PRKAR1B: variants seen among roughly 807,000 people sequenced by gnomAD.
PRKAR1B encodes the protein protein kinase cAMP-dependent type I regulatory subunit beta.
A neutral mutation model predicts 46.5 loss-of-function variants in PRKAR1B; 22 were observed. The observed-to-expected ratio is 0.47, with a 90% CI of 0.34 to 0.68. The LOEUF (loss-of-function observed/expected upper bound fraction) is 0.68, where lower values mean the gene tolerates loss of function less well. Among genes scored for constraint, PRKAR1B ranks in the 30% least tolerant of loss-of-function variants. PRKAR1B has a pLI of 0.01. For synonymous variants in PRKAR1B, 259 were observed against 217.7 expected (o/e 1.19, Z -1.67); for missense variants, 445 against 535.6 (o/e 0.83, Z 1.67).
chr7:718,755 G>A (rs1780971749), intron 1 of PRKAR1B, among the ~76,000 whole-genome samples: 1 of 150,652 alleles, frequency 6.6e-6, no homozygotes, highest in South Asian at 2.1e-4. Context: ...CTATTCAACA[G>A]ATATTAGCAT....
rs1784550234 is a variant in PRKAR1B at position 644,835 on chromosome 7, C to G, written c.440+32394G>C. Among the ~76,000 whole-genome samples the G allele has an allele frequency of 6.6e-6, 1 of 152,168 alleles. No homozygotes were observed. The highest frequency in any genetic ancestry group is 1.5e-5 in the Non-Finnish European group (1 of 68,014). On this transcript the variant is annotated intron_variant, in intron 4 of 10. Coordinates refer to ENST00000537384, the MANE Select transcript of PRKAR1B (RefSeq NM_001164760.2). The surrounding 1 kb of genome is among the most constrained non-coding windows in gnomAD (Gnocchi z 4.9). The stretch of plus-strand genomic sequence containing the variant: ...CCCAAAGAGGCTGGACCGGGCAGTG[C>G]CGTCGGCCAAAGGGTCCCGTGTGCT...
At chr7:670,825 T>C in intron 4 of PRKAR1B, among the ~76,000 whole-genome samples, 1 of 149,728 alleles carries the variant, frequency 6.7e-6, no homozygotes, top group East Asian at 2.0e-4. Flanking sequence ...CGCCGTGGCA[T>C]CCGGCAGCGG....
chr7:694,054 G>C (rs539724076), intron 2 of PRKAR1B, among the ~76,000 whole-genome samples: 1 of 152,324 alleles, frequency 6.6e-6, no homozygotes, highest in South Asian at 2.1e-4. Context: ...GGAGGCCGAG[G>C]TGGGCAGATC....
At chr7:569,034 G>C (rs1188648561) in intron 9 of PRKAR1B, among the ~76,000 whole-genome samples, 2 of 151,142 alleles carry the variant, frequency 1.3e-5, no homozygotes, top group Non-Finnish European at 3.0e-5. Context: ...GTGGGGGAGA[G>C]GGTGTTAAAC....
At chr7:665,263 G>A (rs1024789698) in intron 4 of PRKAR1B, among the ~76,000 whole-genome samples, 8 of 152,110 alleles carry the variant, frequency 5.3e-5, no homozygotes, top group South Asian at 4.2e-4. Flanking sequence ...GTGCATTCAC[G>A]GTGGGCAAGT....
chr7:680,799 G>A, intron 2 of PRKAR1B, 73 bp from the exon 3 acceptor site: 1 of 1,561,528 alleles, frequency 6.4e-7, no homozygotes, highest in Non-Finnish European at 8.8e-7. Flanking sequence ...GCCCATGCCT[G>A]TGATCCCAGC....
At chr7:601,608 G>GCGCCCGGCCC (rs941192854) in intron 6 of PRKAR1B, among the ~76,000 whole-genome samples, 3 of 152,224 alleles carry the variant, frequency 2.0e-5, no homozygotes, top group African/African-American at 2.4e-5. Context: ...GGCAGCTCCT[G>GCGCCCGGCCC]CGCCCGGCCC....
chr7:726,599 C>A (rs1583467079), intron 1 of PRKAR1B: 2 of 746,724 alleles, frequency 2.7e-6, no homozygotes, highest in Non-Finnish European at 1.8e-6. Context: ...GGCCCACGTG[C>A]GCACCGGCGG....
intron 4 of PRKAR1B, among the ~76,000 whole-genome samples, chr7:638,548 G>C (rs564732323): frequency 6.6e-6 from 1 of 152,204 alleles, no homozygotes; most frequent in South Asian, 2.1e-4. Context: ...GCCTACTGGC[G>C]ACCCTTCCTC....
At chr7:689,492 T>A (rs897719767) in intron 2 of PRKAR1B, among the ~76,000 whole-genome samples, 18 of 152,146 alleles carry the variant, frequency 1.2e-4, no homozygotes, top group Admixed American at 1.0e-3. Flanking sequence ...ATTTCAATTT[T>A]TGAAGAAAAC....
In PRKAR1B at chr7:602,609, G is replaced by C. The variant is rs1781696006; in HGVS notation, c.549+3584C>G. The stretch of plus-strand genomic sequence containing the variant: ...CTGGGGCCTGGCGCTGGGGCAGGAG[G>C]GTGGCCACCCGCGCTGAAGATGAGG... On this transcript the variant is annotated intron_variant, in intron 6 of 10. Transcript: ENST00000537384. The surrounding 1 kb of genome is among the most constrained non-coding windows in gnomAD (Gnocchi z 6.4). 5.9e-6 allele frequency: 1 copy of C among 169,608 alleles called. No homozygotes were observed. Among genetic ancestry groups the C allele is most frequent in the Admixed American group, 6.5e-5 (1 of 15,298 alleles). 10.5% of individuals were successfully genotyped at this position (169,608 alleles called of 1,614,324 possible).
At chr7:665,942 A>T (rs368048842) in intron 4 of PRKAR1B, among the ~76,000 whole-genome samples, 1 of 152,188 alleles carries the variant, frequency 6.6e-6, no homozygotes, top group East Asian at 1.9e-4. Context: ...CTCAAGCCAG[A>T]GGCCTGTTTT....
At chr7:722,402 A>G (rs1370788482) in intron 1 of PRKAR1B, among the ~76,000 whole-genome samples, 5 of 148,020 alleles carry the variant, frequency 3.4e-5, no homozygotes, top group Non-Finnish European at 7.4e-5. Flanking sequence ...GCACCTGGCT[A>G]ATTTTTCTAT....
At position 561,468 on chromosome 7, in the gene PRKAR1B, C is replaced by T. The variant is rs534924195; in HGVS notation, c.892-9998G>A. Among the ~76,000 whole-genome samples, 9 of 152,342 alleles carry T rather than the reference C, an allele frequency of 5.9e-5. No homozygotes were observed. In the East Asian group the frequency reaches 1.7e-3, roughly 29 times the overall value. On this transcript the variant is annotated intron_variant, in intron 9 of 10. Coordinates refer to ENST00000537384, the MANE Select transcript of PRKAR1B (RefSeq NM_001164760.2). ...CTGAAGCTCCCTTCCACCCAAATCC[C>T]TTCCTGCTCCCTCAGGCGGTGACTC...
At chr7:693,404 T>C (rs185228739) in intron 2 of PRKAR1B, among the ~76,000 whole-genome samples, 15,384 of 151,840 alleles carry the variant, frequency 0.1, 911 homozygotes, top group Middle Eastern at 0.2. Flanking sequence ...TCAGCAGCTG[T>C]CCCCCGACAC....
At chr7:606,942 A>G (rs908866998) in intron 5 of PRKAR1B, among the ~76,000 whole-genome samples, 1 of 152,192 alleles carries the variant, frequency 6.6e-6, no homozygotes, top group Admixed American at 6.5e-5. Context: ...GTGCACATAT[A>G]CGTGCATATA....
chr7:556,682 G>A (rs1445221227), intron 9 of PRKAR1B, among the ~76,000 whole-genome samples: 1 of 152,184 alleles, frequency 6.6e-6, no homozygotes, highest in Non-Finnish European at 1.5e-5. Flanking sequence ...CCAGAGGAAG[G>A]TGTTTGGTGC....
intron 9 of PRKAR1B, among the ~76,000 whole-genome samples, chr7:576,418 A>AAT (rs1779838643): frequency 6.6e-6 from 1 of 152,176 alleles, no homozygotes; most frequent in African/African-American, 2.4e-5. Context: ...ACCGACCGGA[A>AAT]ATACTGCCTG....
rs1208442784 is a variant in PRKAR1B, at chr7:714,875, C to T, written c.-22-3348G>A. The stretch of plus-strand genomic sequence containing the variant: ...TGAGGCCCTTCCCGTATCTGGACTT[C>T]CCAATTATGTTCATCAATAAATACC... On this transcript the variant is annotated intron_variant, in intron 1 of 10. Coordinates refer to ENST00000537384, the MANE Select transcript of PRKAR1B (RefSeq NM_001164760.2). This position sits in a 1 kb window ranked among gnomAD's most constrained non-coding sequence, Gnocchi z 4.3. Among the ~76,000 whole-genome samples the T allele has an allele frequency of 6.6e-6, 1 of 152,190 alleles. No individual in the cohort carries two copies. Among genetic ancestry groups the T allele is most frequent in the Non-Finnish European group, 1.5e-5 (1 of 68,022 alleles).
Sources: gnomAD v4.1 joint callset for allele counts (sites outside exome capture counted in the v4.1 genomes callset) on GRCh38, gnomAD v4.1.1 for gene constraint, Gnocchi (gnomAD v3.1) non-coding constraint, MANE v1.5 for transcripts, NCBI Gene and HGNC (gene_info 2026-07-23, HGNC 2026-07-21) for gene names.